The following PLAG1 variants were observed in gnomAD, a reference collection of about 807,000 sequenced individuals.
PLAG1 encodes the protein PLAG1 zinc finger.
Under a neutral mutation model 35.5 loss-of-function variants are expected in PLAG1, and 7 were observed. The observed-to-expected ratio is 0.20, with a 90% CI of 0.11 to 0.37. PLAG1 has a LOEUF of 0.37. Among genes scored for constraint, PLAG1 ranks in the 10% least tolerant of loss-of-function variants. The probability of loss-of-function intolerance (pLI) is 1.00; values close to 1 mark genes in which losing one functional copy is unlikely to be tolerated. For synonymous variants in PLAG1, 229 were observed against 225.4 expected (o/e 1.02, Z -0.14); for missense variants, 454 against 602.8 (o/e 0.75, Z 2.58).
intron 1 of PLAG1, among the ~76,000 whole-genome samples, chr8:56,191,267 G>A (rs188535489): frequency 6.6e-6 from 1 of 152,258 alleles, no homozygotes; most frequent in Non-Finnish European, 1.5e-5. Flanking sequence ...GCACTAGCAG[G>A]AGCCAGCGGT....
chr8:56,168,896 GTACTT>G (rs1811434491), intron 3 of PLAG1, among the ~76,000 whole-genome samples: 1 of 152,164 alleles, frequency 6.6e-6, no homozygotes, highest in Non-Finnish European at 1.5e-5. Flanking sequence ...TGTGGAAGAG[GTACTT>G]CACGGAGAGA....
At chr8:56,172,717 A>C (rs1811568445) in intron 2 of PLAG1, among the ~76,000 whole-genome samples, 1 of 152,188 alleles carries the variant, frequency 6.6e-6, no homozygotes, top group Non-Finnish European at 1.5e-5. Flanking sequence ...GAATGCCCTA[A>C]AACTGTGACT....
intron 1 of PLAG1, among the ~76,000 whole-genome samples, chr8:56,195,228 T>C (rs1812325021): frequency 1.3e-5 from 2 of 152,206 alleles, no homozygotes; most frequent in African/African-American, 4.8e-5. Flanking sequence ...GCTGAGAATT[T>C]TTTTCATGCA....
chr8:56,170,674 T>C (rs1486123964), intron 3 of PLAG1, among the ~76,000 whole-genome samples: 1 of 152,126 alleles, frequency 6.6e-6, no homozygotes, highest in African/African-American at 2.4e-5. Context: ...AATCCAACCA[T>C]AATGGGCAAA....
intron 1 of PLAG1, among the ~76,000 whole-genome samples, chr8:56,202,568 A>C (rs887530292): frequency 2.0e-5 from 3 of 152,238 alleles, no homozygotes; most frequent in Non-Finnish European, 4.4e-5. Context: ...AAAAGCTATT[A>C]TGAGTCAGCC....
chr8:56,179,687 T>C (rs1811808332), intron 1 of PLAG1, among the ~76,000 whole-genome samples, 174 bp from the exon 2 acceptor site: 1 of 152,206 alleles, frequency 6.6e-6, no homozygotes, highest in Admixed American at 6.5e-5. Flanking sequence ...AAATGAAAAG[T>C]ACACAAATTA....
intron 1 of PLAG1, among the ~76,000 whole-genome samples, chr8:56,201,961 T>C (rs1210673308): frequency 1.1e-5 from 1 of 92,794 alleles, no homozygotes; most frequent in Non-Finnish European, 2.5e-5. Context: ...TTTTGGGCTC[T>C]TTTTTTTTTT....
intron 1 of PLAG1, among the ~76,000 whole-genome samples, chr8:56,180,268 A>G (rs972689290): frequency 1.3e-5 from 2 of 152,212 alleles, no homozygotes; most frequent in Non-Finnish European, 2.9e-5. Flanking sequence ...CAGAGGGTCA[A>G]GGCTCAATTA....
chr8:56,197,588 A>C (rs895007747), intron 1 of PLAG1, among the ~76,000 whole-genome samples: 2 of 152,122 alleles, frequency 1.3e-5, no homozygotes, highest in Non-Finnish European at 2.9e-5. Flanking sequence ...CCTGAAATAT[A>C]AATATAAACA....
intron 1 of PLAG1, 39 bp from the exon 2 acceptor site, chr8:56,179,552 T>A: frequency 2.2e-6 from 1 of 459,878 alleles, no homozygotes; most frequent in Non-Finnish European, 2.9e-6. Flanking sequence ...ATTCCAAAAG[T>A]CAGGCCAATC....
intron 1 of PLAG1, among the ~76,000 whole-genome samples, chr8:56,187,437 C>T (rs1585803071): frequency 1.3e-5 from 2 of 152,332 alleles, no homozygotes; most frequent in East Asian, 3.9e-4. Context: ...CTGACCTTCA[C>T]TATCTGTGTA....
rs1471314997 is a variant in PLAG1, at chr8:56,164,446, C to T, written c.*1797G>A. 4.5e-6 allele frequency: 1 copy of T among 219,834 alleles called. No individual in the cohort carries two copies. Among genetic ancestry groups the T allele is most frequent in the Non-Finnish European group, 9.1e-6 (1 of 109,346 alleles). The allele number at this position is 219,834 out of a possible 1,614,324, so 13.6% of individuals were successfully genotyped here. A position where few individuals can be genotyped will look rare whatever the true frequency, so the allele number is the denominator to read the frequency against. On this transcript the variant is annotated 3_prime_UTR_variant, in exon 5 of 5. Coordinates refer to ENST00000316981, the MANE Select transcript of PLAG1 (RefSeq NM_002655.3). ...ATAATGTATTATATTCAGTAATCTG[C>T]ACTCATTTTTAGAAATTCTTGGTAA...
In PLAG1 at chr8:56,168,376, G is replaced by T. The variant is rs755309286; in HGVS notation, c.-107C>A. 5.9e-6 allele frequency: 8 copies of T among 1,349,760 alleles called. No individual in the cohort carries two copies. The highest frequency in any genetic ancestry group is 2.0e-4 in the Middle Eastern group (1 of 5,026). The allele number at this position is 1,349,760 out of a possible 1,614,324, so 83.6% of individuals were successfully genotyped here. A position where few individuals can be genotyped will look rare whatever the true frequency, so the allele number is the denominator to read the frequency against. ...AAGTTTCATGTGGTCGTAAAAGAAA[G>T]CAAAAAGGGACTGGAAAAAAAAATA... On this transcript the variant is annotated 5_prime_UTR_variant, in exon 4 of 5. Transcript: ENST00000316981.
intron 1 of PLAG1, among the ~76,000 whole-genome samples, chr8:56,192,146 T>C (rs952597846): frequency 6.6e-6 from 1 of 152,022 alleles, no homozygotes; most frequent in East Asian, 1.9e-4. Flanking sequence ...GTGGGGAAAG[T>C]GAAGGAAATG....
intron 2 of PLAG1, among the ~76,000 whole-genome samples, chr8:56,175,349 G>A (rs923304384): frequency 2.0e-5 from 3 of 152,180 alleles, no homozygotes; most frequent in Non-Finnish European, 4.4e-5. Flanking sequence ...CAGGAAGGAC[G>A]AGACTCTCAG....
At chr8:56,183,973 G>C (rs1811945451) in intron 1 of PLAG1, among the ~76,000 whole-genome samples, 1 of 152,094 alleles carries the variant, frequency 6.6e-6, no homozygotes, top group African/African-American at 2.4e-5. Context: ...TAAACACACT[G>C]ATAAGTCGGA....
chr8:56,202,261 A>C (rs539259348), intron 1 of PLAG1, among the ~76,000 whole-genome samples: 21 of 152,336 alleles, frequency 1.4e-4, no homozygotes, highest in Admixed American at 1.2e-3. Flanking sequence ...ACAGAACCAG[A>C]GTATACCACA....
intron 1 of PLAG1, among the ~76,000 whole-genome samples, chr8:56,183,680 T>C (rs562911394): frequency 6.6e-6 from 1 of 152,294 alleles, no homozygotes; most frequent in African/African-American, 2.4e-5. Flanking sequence ...CTTTACAATG[T>C]CTTTACAATC....
chr8:56,169,645 T>C (rs181346247), intron 3 of PLAG1, among the ~76,000 whole-genome samples: 3 of 152,258 alleles, frequency 2.0e-5, no homozygotes, highest in Non-Finnish European at 4.4e-5. Flanking sequence ...GCTCAAGCTA[T>C]CTTCAAGTGC....
Sources: allele counts gnomAD v4.1 joint callset (sites outside exome capture counted in the v4.1 genomes callset), GRCh38; gene constraint gnomAD v4.1.1; transcripts MANE v1.5; gene names NCBI Gene and HGNC (gene_info 2026-07-23, HGNC 2026-07-21).